NUP62CL: variants seen among roughly 807,000 people sequenced by gnomAD.
NUP62CL encodes the protein nucleoporin 62 C-terminal like, also known as nucleoporin-62 C-terminal-like protein.
A neutral mutation model predicts 15.3 loss-of-function variants in NUP62CL; 13 were observed. The ratio of observed to expected loss-of-function variants is 0.85; its 90% CI spans 0.55 to 1.35. The LOEUF is 1.35. NUP62CL is among the 40% of genes most tolerant of loss of function. NUP62CL has a pLI of 0.00. For missense variants in NUP62CL, 123 were observed against 130.6 expected, an observed-to-expected ratio of 0.94 and a Z score of 0.28; for synonymous variants, 54 against 49.2, an observed-to-expected ratio of 1.10 and a Z score of -0.41.
intron 2 of NUP62CL, among the ~76,000 whole-genome samples, chrX:107,190,410 C>T (rs7884600): frequency 0.016 from 1,799 of 111,841 alleles, 49 homozygotes; most frequent in African/African-American, 0.055. Flanking sequence ...AAACAATTGG[C>T]CAAAATATTT....
At chrX:107,135,861 A>C (rs1047371655) in intron 8 of NUP62CL, among the ~76,000 whole-genome samples, 12 of 111,126 alleles carry the variant, frequency 1.1e-4, no homozygotes, top group African/African-American at 3.9e-4. Flanking sequence ...CACCATTCTG[A>C]GTAGTGTGAT....
At chrX:107,132,965 A>G (rs1431131110) in intron 8 of NUP62CL, among the ~76,000 whole-genome samples, 1 of 111,871 alleles carries the variant, frequency 8.9e-6, no homozygotes, top group East Asian at 2.8e-4. Context: ...CCTAAATTCA[A>G]AGTGCTGGCA....
intron 4 of NUP62CL, 80 bp downstream of exon 4, chrX:107,167,569 T>G: frequency 1.4e-6 from 1 of 733,927 alleles, no homozygotes. Context: ...TCAAATATTA[T>G]TCTAAAGTTA....
rs55729158 is a variant in NUP62CL, at chrX:107,184,296, GAAGAAAGAAAGAAAGAAAGAAAGAAAGA to G, written c.-48+8705_-48+8732del. On this transcript the variant is annotated intron_variant, in intron 2 of 8. Coordinates refer to ENST00000372466, the MANE Select transcript of NUP62CL (RefSeq NM_017681.3). ...AAACCCGCCTCAGCACAAAAAAAGA[GAAGAAAGAAAGAAAGAAAGAAAGAAAGA>G]AAGAAAGAAAGAAAGAAAGAAAGAA... is the stretch of plus-strand genomic sequence containing the variant. Among the ~76,000 whole-genome samples, 388 of 65,058 alleles carry G rather than the reference GAAGAAAGAAAGAAAGAAAGAAAGAAAGA, an allele frequency of 6.0e-3. 2 individuals carry two copies. The highest frequency in any genetic ancestry group is 0.024 in the African/African-American group (328 of 13,853). 56.5% of individuals were successfully genotyped at this position (65,058 alleles called of 115,157 possible). A position where few individuals can be genotyped will look rare whatever the true frequency, so the allele number is the denominator to read the frequency against.
At chrX:107,171,720 C>G (rs750908386) in intron 3 of NUP62CL, among the ~76,000 whole-genome samples, 2 of 110,960 alleles carry the variant, frequency 1.8e-5, no homozygotes, top group African/African-American at 3.3e-5. Flanking sequence ...ATAGCCAAAC[C>G]ATATCATGGT....
chrX:107,185,364 T>C (rs1927036280), intron 2 of NUP62CL, among the ~76,000 whole-genome samples: 1 of 111,661 alleles, frequency 9.0e-6, no homozygotes, highest in Non-Finnish European at 1.9e-5. Flanking sequence ...TTCTTAATTA[T>C]GTTTGAAAGC....
At chrX:107,151,984 C>T (rs1602642968) in intron 7 of NUP62CL, among the ~76,000 whole-genome samples, 2 of 96,390 alleles carry the variant, frequency 2.1e-5, no homozygotes, top group African/African-American at 3.9e-5. Flanking sequence ...GAGCCGAGAT[C>T]GTGCCACTGC....
At chrX:107,153,905 C>G (rs773886499) in intron 5 of NUP62CL, among the ~76,000 whole-genome samples, 191 bp downstream of exon 5, 2 of 111,214 alleles carry the variant, frequency 1.8e-5, no homozygotes, top group African/African-American at 6.5e-5. Flanking sequence ...CCAGGGAGAT[C>G]GAGGCTGCAG....
At chrX:107,124,454 G>A (rs1208857297) in intron 8 of NUP62CL, 122 bp from the exon 9 acceptor site, 2 of 295,935 alleles carry the variant, frequency 6.8e-6, no homozygotes, top group Non-Finnish European at 6.4e-6. Flanking sequence ...ATAGCTTTAC[G>A]TTTTAGAAAA....
At chrX:107,174,196 G>C (rs185878262) in intron 3 of NUP62CL, among the ~76,000 whole-genome samples, 1,249 of 97,890 alleles carry the variant, frequency 0.013, 9 homozygotes, top group Non-Finnish European at 0.018. Context: ...CCGTCACCCA[G>C]GCTGGAGTGC....
intron 4 of NUP62CL, among the ~76,000 whole-genome samples, chrX:107,154,796 T>A (rs1926135040): frequency 9.0e-6 from 1 of 111,691 alleles, no homozygotes; most frequent in Non-Finnish European, 1.9e-5. Context: ...GCTGGGGTAG[T>A]GTCAGCACGG....
At position 107,155,738 on chromosome X, in the gene NUP62CL, A is replaced by C. The variant is rs1926163051; in HGVS notation, c.195-1492T>G. On this transcript the variant is annotated intron_variant, in intron 4 of 8. Coordinates refer to ENST00000372466, the MANE Select transcript of NUP62CL (RefSeq NM_017681.3). The stretch of plus-strand genomic sequence containing the variant: ...TCCTAACATAATAGACAAAATGTCC[A>C]AGATAAAATTTTAAAAATTACCTAT... Among the ~76,000 whole-genome samples, 4 of 112,788 alleles carry C rather than the reference A, an allele frequency of 3.5e-5. No individual in the cohort carries two copies. The Admixed American group carries it at 3.7e-4, about 10-fold the overall frequency.
chrX:107,175,252 A>G (rs1926756577), intron 2 of NUP62CL, 59 bp from the exon 3 acceptor site: 1 of 568,382 alleles, frequency 1.8e-6, no homozygotes, highest in Admixed American at 3.0e-5. Flanking sequence ...TTAAAAGTAA[A>G]ACAACATTAT....
rs1481480596 is a variant in NUP62CL at position 107,167,763 on chromosome X, G to T, written c.80C>A (p.Thr27Asn). 3.4e-6 allele frequency: 4 copies of T among 1,192,151 alleles called. No individual in the cohort carries two copies. In the Middle Eastern group the frequency reaches 9.3e-4, roughly 277 times the overall value. ...GLSFTTSTTT[T>N]ATFTTNTTTT... ...AGTAGTGTTGGTGGTGAAAGTGGCG[G>T]TGGTAGTCGTTGAAGTTGTAACTGG... Residue 27 changes from threonine to asparagine, a missense_variant, in exon 4 of 9, where the codon ACC (threonine) becomes AAC (asparagine). By Grantham distance (65) the Thr-to-Asn change is moderately conservative (BLOSUM62 0). Coordinates refer to ENST00000372466, the MANE Select transcript of NUP62CL (RefSeq NM_017681.3).
intron 2 of NUP62CL, among the ~76,000 whole-genome samples, chrX:107,191,587 A>C (rs935097875): frequency 2.7e-5 from 3 of 110,648 alleles, no homozygotes; most frequent in African/African-American, 9.9e-5. Context: ...GCATGCCTGT[A>C]ATCCCAGCTA....
At chrX:107,125,603 T>A (rs985404743) in intron 8 of NUP62CL, among the ~76,000 whole-genome samples, 1 of 111,640 alleles carries the variant, frequency 9.0e-6, no homozygotes, top group African/African-American at 3.3e-5. Flanking sequence ...CAGAAAAACA[T>A]TATGTTCAAC....
chrX:107,152,049 GATATATAT>G (rs778670339), intron 7 of NUP62CL, among the ~76,000 whole-genome samples: 12 of 41,118 alleles, frequency 2.9e-4, no homozygotes, highest in South Asian at 1.2e-3. Flanking sequence ...TATATATTCA[GATATATAT>G]ATATATATAT....
chrX:107,150,903 C>T (rs1426358253), intron 7 of NUP62CL: 1 of 342,840 alleles, frequency 2.9e-6, no homozygotes, highest in Admixed American at 3.1e-5. Flanking sequence ...AGGTGATTAA[C>T]AACGTCCTTG....
At chrX:107,181,168 G>A (rs1436481305) in intron 2 of NUP62CL, among the ~76,000 whole-genome samples, 1 of 107,679 alleles carries the variant, frequency 9.3e-6, no homozygotes, top group Non-Finnish European at 1.9e-5. Flanking sequence ...CACCCACCTC[G>A]CCCTCCCAAA....
Sources: allele counts gnomAD v4.1 joint callset (sites outside exome capture counted in the v4.1 genomes callset), GRCh38; gene constraint gnomAD v4.1.1; transcripts MANE v1.5; gene names NCBI Gene and HGNC (gene_info 2026-07-23, HGNC 2026-07-21).